ATG7: variants seen among roughly 807,000 people sequenced by gnomAD.
ATG7 encodes ubiquitin-like modifier-activating enzyme ATG7.
In ATG7, 70 loss-of-function variants were observed where a neutral mutation model predicts 82.4. The ratio of observed to expected loss-of-function variants is 0.85; its 90% CI spans 0.70 to 1.04. ATG7 has a LOEUF of 1.04. ATG7 is among the 50% of genes least tolerant of loss of function. ATG7 has a pLI of 0.00. For synonymous variants in ATG7, 287 were observed against 313.0 expected (o/e 0.92, Z 0.88); for missense variants, 792 against 864.3 (o/e 0.92, Z 1.05).
At chr3:11,314,813 CCTGTGGTCCCAGCTA>C (rs1446525455) in intron 8 of ATG7, among the ~76,000 whole-genome samples, 23 of 152,100 alleles carry the variant, frequency 1.5e-4, no homozygotes, top group African/African-American at 4.6e-4. Context: ...GTGGTGTGTG[CCTGTGGTCCCAGCTA>C]CTCAGGAGGC....
At chr3:11,386,227 C>A (rs1035084331) in intron 19 of ATG7, among the ~76,000 whole-genome samples, 1 of 152,172 alleles carries the variant, frequency 6.6e-6, no homozygotes, top group Non-Finnish European at 1.5e-5. Context: ...TCTCTATTGA[C>A]ACTTTATTAG....
At chr3:11,509,847 C>G (rs747523084) in intron 20 of ATG7, among the ~76,000 whole-genome samples, 1 of 152,202 alleles carries the variant, frequency 6.6e-6, no homozygotes, top group Non-Finnish European at 1.5e-5. Flanking sequence ...TAAATATCTT[C>G]CCATAAATCA....
At chr3:11,327,020 G>A (rs1430386934) in intron 9 of ATG7, among the ~76,000 whole-genome samples, 2 of 152,152 alleles carry the variant, frequency 1.3e-5, no homozygotes, top group African/African-American at 4.8e-5. Flanking sequence ...CGTCAGTCAG[G>A]CATCACTTTT....
chr3:11,554,970 T>C lies in ATG7; in HGVS notation c.*127T>C, dbSNP rs914170614. The C allele has an allele frequency of 2.2e-5, 27 of 1,202,070 alleles. No individual in the cohort carries two copies. The highest frequency in any genetic ancestry group is 7.3e-5 in the Admixed American group (3 of 40,892). 74.5% of individuals were successfully genotyped at this position (1,202,070 alleles called of 1,614,324 possible). ...CTCCTCCATACCCCGAGGTCTGGGA[T>C]TCCCCCCTCTGCTGCCCAGGAGTGG... On this transcript the variant is annotated 3_prime_UTR_variant, in exon 21 of 21. Coordinates refer to ENST00000693202, the MANE Select transcript of ATG7 (RefSeq NM_001349232.2).
At chr3:11,510,068 A>ATTCTGCCCGCCCATC (rs1318540220) in intron 20 of ATG7, 38 of 344,854 alleles carry the variant, frequency 1.1e-4, no homozygotes, top group Non-Finnish European at 4.0e-5. Flanking sequence ...TCCTTTCTTT[A>ATTCTGCCCGCCCATC]TTCTGCCCGC....
intron 9 of ATG7, among the ~76,000 whole-genome samples, chr3:11,323,971 G>A (rs1950535074): frequency 6.6e-6 from 1 of 152,190 alleles, no homozygotes. Flanking sequence ...AGACAAGCAA[G>A]TTGGCAATTT....
chr3:11,309,191 GAAACGC>G, intron 7 of ATG7, 130 bp downstream of exon 7: 1 of 917,940 alleles, frequency 1.1e-6, no homozygotes, highest in Non-Finnish European at 1.8e-6. Flanking sequence ...AGCTGTTAAC[GAAACGC>G]TCATTTGATT....
chr3:11,471,381 G>A (rs1399806311), intron 20 of ATG7, among the ~76,000 whole-genome samples: 1 of 152,130 alleles, frequency 6.6e-6, no homozygotes, highest in Admixed American at 6.6e-5. Flanking sequence ...CACCTGAATT[G>A]TCATTATGTG....
At chr3:11,309,943 G>A (rs1294291085) in intron 7 of ATG7, among the ~76,000 whole-genome samples, 2 of 152,100 alleles carry the variant, frequency 1.3e-5, no homozygotes, top group Non-Finnish European at 2.9e-5. Flanking sequence ...GGAGGCTGAG[G>A]CAGGTGGATC....
At chr3:11,398,967 A>AG (rs781020918) in intron 19 of ATG7, among the ~76,000 whole-genome samples, 3 of 152,256 alleles carry the variant, frequency 2.0e-5, no homozygotes, top group South Asian at 4.1e-4. Context: ...ATTACAGAGA[A>AG]GAACAGAAAG....
At chr3:11,458,342 C>T (rs1007701358) in intron 20 of ATG7, among the ~76,000 whole-genome samples, 4 of 152,122 alleles carry the variant, frequency 2.6e-5, no homozygotes, top group Non-Finnish European at 5.9e-5. Flanking sequence ...CCGCTCACTG[C>T]AAGCTCCGCC....
downstream of ATG7, among the ~76,000 whole-genome samples, chr3:11,561,539 C>A (rs1237504565): frequency 1.3e-5 from 2 of 152,326 alleles, no homozygotes; most frequent in Non-Finnish European, 2.9e-5. Flanking sequence ...CTCCACCACC[C>A]CTCCTCCCCA....
Position 11,285,548 on chromosome 3 carries a change from A to G in ATG7, c.-11+3110A>G, listed in dbSNP as rs115454488. 5.8e-3 allele frequency among the ~76,000 whole-genome samples: 877 copies of G among 152,182 alleles called. 7 individuals carry two copies. Among genetic ancestry groups the G allele is most frequent in the African/African-American group, 0.019 (773 of 41,510 alleles). The stretch of plus-strand genomic sequence containing the variant: ...AAATGTTTAGCTTGTGGCTTTTTAC[A>G]TAGGTATATGCCTTGTAACCACCAC... On this transcript the variant is annotated intron_variant, in intron 3 of 20. Coordinates refer to ENST00000693202, the MANE Select transcript of ATG7 (RefSeq NM_001349232.2).
intron 20 of ATG7, among the ~76,000 whole-genome samples, chr3:11,544,770 A>G (rs564474892): frequency 2.0e-3 from 307 of 152,336 alleles, no homozygotes; most frequent in African/African-American, 7.0e-3. Flanking sequence ...TTTCTGCCCT[A>G]TGGAATCATA....
chr3:11,471,875 T>G (rs988966431), intron 20 of ATG7, among the ~76,000 whole-genome samples: 1 of 151,270 alleles, frequency 6.6e-6, no homozygotes, highest in Non-Finnish European at 1.5e-5. Context: ...GTAGCTGGGA[T>G]TATAGGCGTG....
chr3:11,496,348 C>T (rs1160018189), intron 20 of ATG7, among the ~76,000 whole-genome samples: 1 of 152,136 alleles, frequency 6.6e-6, no homozygotes, highest in East Asian at 1.9e-4. Flanking sequence ...AGATTGCTTG[C>T]ATAAACTCAT....
chr3:11,501,277 T>G (rs1391464527), intron 20 of ATG7, among the ~76,000 whole-genome samples: 2 of 152,074 alleles, frequency 1.3e-5, no homozygotes, highest in Non-Finnish European at 2.9e-5. Flanking sequence ...TCATAGAAAT[T>G]TTGTATCATG....
chr3:11,554,488 C>G (rs984627372), intron 20 of ATG7, among the ~76,000 whole-genome samples: 2 of 152,184 alleles, frequency 1.3e-5, no homozygotes, highest in Non-Finnish European at 2.9e-5. Flanking sequence ...GGGGTGAGTG[C>G]TGCAGAAGCC....
At chr3:11,317,660 T>G (rs1163064325) in intron 9 of ATG7, among the ~76,000 whole-genome samples, 2 of 148,316 alleles carry the variant, frequency 1.3e-5, no homozygotes. Flanking sequence ...TGGCACGATC[T>G]CGGCTCACTG....
Sources: allele counts gnomAD v4.1 joint callset (sites outside exome capture counted in the v4.1 genomes callset), GRCh38; gene constraint gnomAD v4.1.1; transcripts MANE v1.5; gene names NCBI Gene and HGNC (gene_info 2026-07-23, HGNC 2026-07-21).